ATP8A2: variants seen among roughly 807,000 people sequenced by gnomAD.
ATP8A2 encodes the protein phospholipid-transporting ATPase IB.
ATP8A2 carries 100 observed loss-of-function variants against 165.6 expected under a neutral mutation model. The observed-to-expected ratio is 0.60, with a 90% confidence interval of 0.51 to 0.71. The LOEUF (loss-of-function observed/expected upper bound fraction) is 0.71. Ranked by LOEUF, ATP8A2 falls within the 30% of genes least tolerant of loss-of-function variation. The pLI is 0.00. For synonymous variants in ATP8A2, 543 were observed against 548.8 expected (o/e 0.99, Z 0.15); for missense variants, 1,227 against 1,479.5 (o/e 0.83, Z 2.80).
At chr13:25,547,633 A>G (rs1302723384) in intron 10 of ATP8A2, among the ~76,000 whole-genome samples, 3 of 152,188 alleles carry the variant, frequency 2.0e-5, no homozygotes, top group Non-Finnish European at 4.4e-5. Flanking sequence ...AAAGTACACA[A>G]TAAATGTAAT....
chr13:25,848,875 A>G (rs1393016826), intron 30 of ATP8A2, among the ~76,000 whole-genome samples: 2 of 152,204 alleles, frequency 1.3e-5, no homozygotes, highest in Non-Finnish European at 2.9e-5. Context: ...TAGCAGGTTA[A>G]CTTCTGAAAG....
intron 24 of ATP8A2, among the ~76,000 whole-genome samples, chr13:25,642,396 A>G (rs534618198): frequency 1.3e-3 from 203 of 152,304 alleles, no homozygotes; most frequent in Middle Eastern, 0.01. Flanking sequence ...ACTCAAACAA[A>G]TTTACAAGAA....
At position 25,769,144 on chromosome 13, in the gene ATP8A2, T is replaced by C; in HGVS notation, c.2483T>C (p.Met828Thr). Residue 828 changes from methionine to threonine, a missense_variant, in exon 26 of 37, where the codon ATG (methionine) becomes ACG (threonine). Transcript: ENST00000381655. Reference protein sequence around the residue: ...AIGDGANDVGMIQTAHVGVGI... With the variant: ...AIGDGANDVGTIQTAHVGVGI... ...GGAGACGGCGCCAACGATGTCGGGA[T>C]GATCCAGACAGCCCACGTGGGTGTG... The C allele has an allele frequency of 6.2e-7, 1 of 1,614,166 alleles. No individual in the cohort carries two copies. Among genetic ancestry groups the C allele is most frequent in the Non-Finnish European group, 8.5e-7 (1 of 1,180,022 alleles).
chr13:25,571,913 T>C (rs1315605687), intron 18 of ATP8A2: 1 of 549,090 alleles, frequency 1.8e-6, no homozygotes, highest in East Asian at 3.1e-5. Flanking sequence ...ATGTCTTTCA[T>C]ACACTGATGT....
Position 25,538,022 on chromosome 13 carries a change from G to T in ATP8A2, c.542G>T (p.Gly181Val). 6.2e-7 allele frequency: 1 copy of T among 1,613,844 alleles called. No homozygotes were observed. Among genetic ancestry groups the T allele is most frequent in the Non-Finnish European group, 8.5e-7 (1 of 1,179,854 alleles). The change falls in exon 7 of 37, where the codon GGG (glycine) becomes GTG (valine). Residue 181 changes from glycine to valine, a missense_variant. Gly to Val is a moderately radical substitution (Grantham distance 109, BLOSUM62 -3). Around this residue, in one of 5 missense-constraint regions of ATP8A2, gnomAD observed 356 missense variants for 394.9 expected, o/e 0.90. Coordinates refer to ENST00000381655, the MANE Select transcript of ATP8A2 (RefSeq NM_016529.6). ...GGAGACATTGTGAAGGTCGTCAATG[G>T]GCAGTATCTTCCAGCAGATGTGGTC... ...AVGDIVKVVN[G>V]QYLPADVVLL...
At chr13:25,437,492 G>A (rs1319340872) in intron 1 of ATP8A2, among the ~76,000 whole-genome samples, 20 of 152,170 alleles carry the variant, frequency 1.3e-4, no homozygotes, top group Non-Finnish European at 2.8e-4. Flanking sequence ...GAAATCTGAT[G>A]ACTTTTCAAC....
In ATP8A2 at chr13:25,535,139, CAG is replaced by C. The variant is rs34312173; in HGVS notation, c.507+1827_507+1828del. ...TCTAGTGCGCTCTTGAAGGGTGAAT[CAG>C]GGGTAACTAGCTGCGGAACTGTGAG... is the stretch of plus-strand genomic sequence containing the variant. On this transcript the variant is annotated intron_variant, in intron 6 of 36. Coordinates refer to ENST00000381655, the MANE Select transcript of ATP8A2 (RefSeq NM_016529.6). Among the ~76,000 whole-genome samples, 475 of 152,256 alleles carry C rather than the reference CAG, an allele frequency of 3.1e-3. 7 individuals are homozygous for C. The highest frequency in any genetic ancestry group is 0.01 in the African/African-American group (426 of 41,556).
rs886988370 is a variant in ATP8A2, at chr13:25,427,688, G to A, written c.77-41289G>A. Among the ~76,000 whole-genome samples, 4 of 151,704 alleles carry A rather than the reference G, an allele frequency of 2.6e-5. No individual in the cohort carries two copies. In the Middle Eastern group the frequency reaches 0.01, roughly 387 times the overall value. On this transcript the variant is annotated intron_variant, in intron 1 of 36. Transcript: ENST00000381655. ...AGGCAGGTGGAACATGAGGTCAAGA[G>A]ATCGAGACCATGCTGGCCAACATGG...
intron 27 of ATP8A2, among the ~76,000 whole-genome samples, chr13:25,813,952 C>G (rs1205141456): frequency 6.6e-6 from 1 of 152,122 alleles, no homozygotes. Context: ...AGCCTTTTTT[C>G]CCTGCCTTCA....
chr13:25,580,200 G>A (rs1337325893), intron 22 of ATP8A2, among the ~76,000 whole-genome samples: 2 of 152,148 alleles, frequency 1.3e-5, no homozygotes, highest in East Asian at 1.9e-4. Flanking sequence ...CAGCATCAGC[G>A]ACTTTCTGGG....
chr13:25,954,099 T>C (rs1955455813), intron 33 of ATP8A2, among the ~76,000 whole-genome samples: 1 of 152,136 alleles, frequency 6.6e-6, no homozygotes, highest in African/African-American at 2.4e-5. Flanking sequence ...CAAGCTAAGA[T>C]CCACTGGCTT....
At chr13:25,947,200 G>A (rs1036576471) in intron 33 of ATP8A2, among the ~76,000 whole-genome samples, 1 of 152,202 alleles carries the variant, frequency 6.6e-6, no homozygotes, top group African/African-American at 2.4e-5. Context: ...GGTCGAATTA[G>A]CATTTTCAGG....
chr13:25,457,019 G>A (rs1464675473), intron 1 of ATP8A2, among the ~76,000 whole-genome samples: 1 of 152,160 alleles, frequency 6.6e-6, no homozygotes, highest in Non-Finnish European at 1.5e-5. Flanking sequence ...CATGTTTTAA[G>A]AAAGTTTACA....
chr13:25,666,021 C>T (rs868756228), intron 24 of ATP8A2, among the ~76,000 whole-genome samples: 47 of 151,414 alleles, frequency 3.1e-4, no homozygotes, highest in African/African-American at 9.7e-4. Context: ...ATGGAAAGAA[C>T]ATCAAGGGAT....
At chr13:25,679,144 A>G (rs930088387) in intron 24 of ATP8A2, among the ~76,000 whole-genome samples, 1 of 152,212 alleles carries the variant, frequency 6.6e-6, no homozygotes, top group African/African-American at 2.4e-5. Context: ...AAAAGATAGT[A>G]GGATTCTGGG....
chr13:25,699,243 C>T lies in ATP8A2; in HGVS notation c.2282C>T (p.Ala761Val), dbSNP rs763604659. The change falls in exon 25 of 37, where the codon GCC becomes GTC. Residue 761 changes from alanine (A) to valine (V), a missense_variant. Transcript: ENST00000381655. ...GNLLGKENDV[A>V]LIIDGHTLKY... is the part of the protein sequence containing the mutation. Reference sequence around the variant, plus strand: ...TTGCTGGGCAAGGAAAATGACGTGGCCCTGATCATCGATGGCCACACCCTG... The same window carrying T: ...TTGCTGGGCAAGGAAAATGACGTGGTCCTGATCATCGATGGCCACACCCTG... 132 of 1,613,430 alleles carry T rather than the reference C, an allele frequency of 8.2e-5. No individual in the cohort carries two copies. Among genetic ancestry groups the T allele is most frequent in the Non-Finnish European group, 1.0e-4 (121 of 1,179,688 alleles).
chr13:25,425,326 C>G (rs1169240531), intron 1 of ATP8A2, among the ~76,000 whole-genome samples: 2 of 152,098 alleles, frequency 1.3e-5, no homozygotes, highest in African/African-American at 4.8e-5. Context: ...GAAGCTCCCC[C>G]CAGCACCCCC....
intron 1 of ATP8A2, among the ~76,000 whole-genome samples, chr13:25,391,646 T>C (rs909473121): frequency 7.2e-5 from 11 of 152,230 alleles, no homozygotes; most frequent in African/African-American, 2.2e-4. Flanking sequence ...TTGAATATCA[T>C]AAGAGGTCAA....
intron 26 of ATP8A2, among the ~76,000 whole-genome samples, chr13:25,773,414 A>T (rs1339210975): frequency 6.6e-6 from 1 of 152,126 alleles, no homozygotes; most frequent in East Asian, 1.9e-4. Context: ...ACTTTTTGGG[A>T]CCTTTATGAA....
Sources: allele counts gnomAD v4.1 joint callset (sites outside exome capture counted in the v4.1 genomes callset), GRCh38; gene constraint gnomAD v4.1.1; regional missense constraint gnomAD v4.1.1; transcripts MANE v1.5; gene names NCBI Gene and HGNC (gene_info 2026-07-23, HGNC 2026-07-21).